VASH1: variants seen among roughly 807,000 people sequenced by gnomAD.
VASH1 encodes tubulinyl-Tyr carboxypeptidase 1.
In VASH1, 16 loss-of-function variants were observed where a neutral mutation model predicts 35.0. The ratio of observed to expected loss-of-function variants is 0.46; its 90% CI spans 0.31 to 0.70. VASH1 has a LOEUF of 0.70. Ranked by LOEUF, VASH1 falls within the 30% of genes least tolerant of loss-of-function variation. The probability of loss-of-function intolerance (pLI) is 0.05; values close to 1 mark genes in which losing one functional copy is unlikely to be tolerated. For missense variants in VASH1, 505 were observed against 510.7 expected (o/e 0.99, Z 0.11); for synonymous variants, 214 against 200.9 (o/e 1.07, Z -0.55).
At chr14:76,769,897 G>A (rs1893744524) in intron 1 of VASH1, 66 bp from the exon 2 acceptor site, 9 of 1,543,724 alleles carry the variant, frequency 5.8e-6, no homozygotes, top group Non-Finnish European at 4.5e-6. Flanking sequence ...AGTCCTAGGT[G>A]TTTGGTGGAC....
intron 4 of VASH1, 133 bp from the exon 5 acceptor site, chr14:76,775,759 T>G: frequency 7.5e-7 from 1 of 1,336,188 alleles, no homozygotes; most frequent in Non-Finnish European, 9.9e-7. Context: ...GCCAGGCGTA[T>G]GGAGATGAGC....
At chr14:76,764,579 A>G (rs1355050391) in intron 1 of VASH1, among the ~76,000 whole-genome samples, 2 of 152,136 alleles carry the variant, frequency 1.3e-5, no homozygotes, top group Non-Finnish European at 2.9e-5. Context: ...CAGTTTTCTT[A>G]TCAATAAGAT....
intron 1 of VASH1, 85 bp downstream of exon 1, chr14:76,763,215 A>G: frequency 7.7e-7 from 1 of 1,294,162 alleles, no homozygotes. Context: ...CTCTCCTCCC[A>G]CGGGGCAGGG....
At position 76,762,838 on chromosome 14, in the gene VASH1, A is replaced by C; in HGVS notation, c.17A>C (p.Lys6Thr). The C allele has an allele frequency of 2.3e-5, 34 of 1,496,572 alleles. No individual in the cohort carries two copies. The highest frequency in any genetic ancestry group is 3.0e-5 in the Non-Finnish European group (34 of 1,123,046). 92.7% of individuals were successfully genotyped at this position (1,496,572 alleles called of 1,614,324 possible). A position where few individuals can be genotyped will look rare whatever the true frequency, so the allele number is the denominator to read the frequency against. The change falls in exon 1 of 7, where the codon AAG becomes ACG. Residue 6 changes from lysine to threonine, a missense_variant. Physicochemically the swap from Lys to Thr is moderately conservative, Grantham distance 78. Coordinates refer to ENST00000167106, the MANE Select transcript of VASH1 (RefSeq NM_014909.5). MPGGKKVAGGGSSGAT... is the reference protein window; with the variant it reads MPGGKTVAGGGSSGAT... ...GATTTAGGGATGCCAGGGGGGAAGA[A>C]GGTGGCTGGGGGTGGCAGCAGCGGT...
At position 76,775,916 on chromosome 14, in the gene VASH1, C is replaced by A; in HGVS notation, c.555C>A (p.Thr185=). 1 of 1,595,500 alleles carries A rather than the reference C, an allele frequency of 6.3e-7. No homozygotes were observed. The highest frequency in any genetic ancestry group is 8.5e-7 in the Non-Finnish European group (1 of 1,170,692). Residue 185 remains threonine, a synonymous_variant, in exon 5 of 7, where the codon ACC becomes ACA. Transcript: ENST00000167106. ...LGIYLTNSMP[T]LERFPISFKT... ...GTTACCTCACCAACAGCATGCCCAC[C>A]CTGGAGCGCTTCCCCATCAGCTTCA...
chr14:76,774,283 T>A (rs1292558498), intron 4 of VASH1: 1 of 152,266 alleles, frequency 6.6e-6, no homozygotes, highest in Non-Finnish European at 1.5e-5. Flanking sequence ...AGGCATTTGC[T>A]AACAGGGCAG....
rs1315153548 is a variant in VASH1 at position 76,779,017 on chromosome 14, G to A, written c.1097G>A (p.Ter366=). 2 of 1,613,854 alleles carry A rather than the reference G, an allele frequency of 1.2e-6. No homozygotes were observed. Among genetic ancestry groups the A allele is most frequent in the Admixed American group, 1.7e-5 (1 of 60,012 alleles). The stretch of plus-strand genomic sequence containing the variant: ...CTTAACGGGTACCAGATCCGGGTCT[G>A]AGGCGGATGCCAGCACCCCAGGCCC... ...PDLNGYQIRV[*] is the part of the protein sequence containing the mutation. The change falls in exon 7 of 7, where the codon TGA becomes TAA. Residue 366 remains the stop codon, a stop_retained_variant. Coordinates refer to ENST00000167106, the MANE Select transcript of VASH1 (RefSeq NM_014909.5).
intron 3 of VASH1, among the ~76,000 whole-genome samples, chr14:76,771,796 G>A (rs1026862572): frequency 8.0e-4 from 122 of 152,058 alleles, no homozygotes; most frequent in African/African-American, 2.7e-3. Flanking sequence ...CCGCCACCCC[G>A]TGTGTAGCCC....
At chr14:76,771,044 G>A (rs1240023341) in intron 2 of VASH1, 146 bp from the exon 3 acceptor site, 16 of 610,916 alleles carry the variant, frequency 2.6e-5, no homozygotes, top group Middle Eastern at 3.6e-4. Context: ...GAGGGAAAGA[G>A]AAGGAGGCGT....
intron 1 of VASH1, among the ~76,000 whole-genome samples, chr14:76,768,869 A>G (rs1330399437): frequency 2.0e-5 from 3 of 152,076 alleles, no homozygotes; most frequent in Non-Finnish European, 4.4e-5. Flanking sequence ...GGACCTCTCT[A>G]TGTGGGGAGC....
In VASH1 at chr14:76,776,042, G is replaced by A. The variant is rs759266240; in HGVS notation, c.681G>A (p.Met227Ile). 16 of 1,611,392 alleles carry A rather than the reference G, an allele frequency of 9.9e-6. 1 individual carries two copies. The highest frequency in any genetic ancestry group is 1.3e-5 in the Non-Finnish European group (15 of 1,179,668). Reference sequence around the variant, plus strand: ...GCATGAGTCGGCGCGAGGACCTGATGTACAAGCCGCCCGCCTTCCGCACGC... The same window carrying A: ...GCATGAGTCGGCGCGAGGACCTGATATACAAGCCGCCCGCCTTCCGCACGC... Reference protein sequence around the residue: ...ALGMSRREDLMYKPPAFRTLS... With the variant: ...ALGMSRREDLIYKPPAFRTLS... The change falls in exon 5 of 7, where the codon ATG becomes ATA. Residue 227 changes from methionine (M) to isoleucine (I), a missense_variant. Met to Ile is a conservative substitution (Grantham distance 10). Coordinates refer to ENST00000167106, the MANE Select transcript of VASH1 (RefSeq NM_014909.5).
At position 76,782,720 on chromosome 14, in the gene VASH1, T is replaced by C. The variant is rs1894145126; in HGVS notation, c.*3702T>C. ...GGTGCTAGCTGCAAGTCCATCAGTA[T>C]TGACCGTCTCGCTCCATCTTGGTCC... On this transcript the variant is annotated 3_prime_UTR_variant, in exon 7 of 7. Transcript: ENST00000167106. 1 of 152,666 alleles carries C rather than the reference T, an allele frequency of 6.6e-6. No homozygotes were observed. Among genetic ancestry groups the C allele is most frequent in the African/African-American group, 2.4e-5 (1 of 41,466 alleles). The allele number at this position is 152,666 out of a possible 1,614,324, so 9.5% of individuals were successfully genotyped here. A position where few individuals can be genotyped will look rare whatever the true frequency, so the allele number is the denominator to read the frequency against.
rs751834850 is a variant in VASH1, at chr14:76,773,226, C to T, written c.530+15C>T. 7 of 1,613,672 alleles carry T rather than the reference C, an allele frequency of 4.3e-6. No homozygotes were observed. The highest frequency in any genetic ancestry group is 1.3e-5 in the African/African-American group (1 of 74,928). The stretch of plus-strand genomic sequence containing the variant: ...ATCCTGGGAATGTATCCTTCCTCAC[C>T]TGAAGGGGAGGGGTCCGGGCTTCTC... On this transcript the variant is annotated intron_variant, in intron 4 of 6. Coordinates refer to ENST00000167106, the MANE Select transcript of VASH1 (RefSeq NM_014909.5).
chr14:76,762,759 G>A lies in VASH1; in HGVS notation c.-63G>A. 1 of 1,399,760 alleles carries A rather than the reference G, an allele frequency of 7.1e-7. No individual in the cohort carries two copies. Among genetic ancestry groups the A allele is most frequent in the Non-Finnish European group, 9.4e-7 (1 of 1,064,376 alleles). 86.7% of individuals were successfully genotyped at this position (1,399,760 alleles called of 1,614,324 possible). Reference sequence around the variant, plus strand: ...CATGTGTTATCTCTGCAGCCGGTGTGTGGGAGGCCTCTTGTGAGCCAGTTG... The same window carrying A: ...CATGTGTTATCTCTGCAGCCGGTGTATGGGAGGCCTCTTGTGAGCCAGTTG... On this transcript the variant is annotated 5_prime_UTR_variant, in exon 1 of 7. In the 5' UTR this introduces an upstream ATG that the reference lacks. Transcript: ENST00000167106.
rs545651442 is a variant in VASH1 at position 76,772,414 on chromosome 14, C to G, written c.456-723C>G. ...GAGTCCACCCTCCCTATCCCCAAAG[C>G]TTTGCTTTTGTTGGCCTGTGGCTGC... On this transcript the variant is annotated intron_variant, in intron 3 of 6. Coordinates refer to ENST00000167106, the MANE Select transcript of VASH1 (RefSeq NM_014909.5). Among the ~76,000 whole-genome samples, 6 of 152,314 alleles carry G rather than the reference C, an allele frequency of 3.9e-5. No individual in the cohort carries two copies. The South Asian group carries it at 1.0e-3, about 26-fold the overall frequency.
rs1260978627 is a variant in VASH1, at chr14:76,779,624, G to A, written c.*606G>A. On this transcript the variant is annotated 3_prime_UTR_variant, in exon 7 of 7. Transcript: ENST00000167106. Reference sequence around the variant, plus strand: ...CCAAGAGCATGAGCTCGTGGCTCAGGAGAGCCTTCAGGCCCTTGAGGCCCC... The same window carrying A: ...CCAAGAGCATGAGCTCGTGGCTCAGAAGAGCCTTCAGGCCCTTGAGGCCCC... 1 of 616,180 alleles carries A rather than the reference G, an allele frequency of 1.6e-6. No individual in the cohort carries two copies. Among genetic ancestry groups the A allele is most frequent in the Non-Finnish European group, 2.9e-6 (1 of 345,366 alleles). 38.2% of individuals were successfully genotyped at this position (616,180 alleles called of 1,614,324 possible). A position where few individuals can be genotyped will look rare whatever the true frequency, so the allele number is the denominator to read the frequency against.
intron 1 of VASH1, among the ~76,000 whole-genome samples, chr14:76,766,467 G>A (rs186064718): frequency 2.6e-4 from 40 of 152,292 alleles, no homozygotes; most frequent in Admixed American, 1.9e-3. Flanking sequence ...ATGAGACAGC[G>A]TCTCGCTTGG....
intron 1 of VASH1, chr14:76,769,176 C>A: frequency 1.3e-6 from 1 of 766,064 alleles, no homozygotes; most frequent in Non-Finnish European, 1.6e-6. Context: ...TCCAGGCTCC[C>A]AGGCATCGGG....
rs779649671 is a variant in VASH1, at chr14:76,773,124, C to G, written c.456-13C>G. ...AGGCGCTGTCCTTACTGACCTGCCT[C>G]CCTTTCCCACAGGCTGATGGACCTG... On this transcript the variant is annotated splice_polypyrimidine_tract_variant and intron_variant, in intron 3 of 6. Transcript: ENST00000167106. The G allele has an allele frequency of 1.1e-5, 18 of 1,613,534 alleles. No individual in the cohort carries two copies. The highest frequency in any genetic ancestry group is 1.5e-5 in the Non-Finnish European group (18 of 1,179,724).
Sources: allele counts gnomAD v4.1 joint callset (sites outside exome capture counted in the v4.1 genomes callset), GRCh38; gene constraint gnomAD v4.1.1; transcripts MANE v1.5; gene names NCBI Gene and HGNC (gene_info 2026-07-23, HGNC 2026-07-21).